Variants in RSU1 observed in about 807,000 individuals in gnomAD.
The protein encoded by RSU1 is Ras suppressor protein 1.
In RSU1, 26 loss-of-function variants were observed where a neutral mutation model predicts 31.1. The ratio of observed to expected loss-of-function variants is 0.84; its 90% CI spans 0.61 to 1.16. The LOEUF (loss-of-function observed/expected upper bound fraction) is 1.16, where lower values mean the gene tolerates loss of function less well. Among genes scored for constraint, RSU1 ranks in the 50% most tolerant of loss-of-function variants. The probability of loss-of-function intolerance (pLI) is 0.00; values close to 1 mark genes in which losing one functional copy is unlikely to be tolerated. For missense variants in RSU1, 320 were observed against 339.1 expected (o/e 0.94, Z 0.44); for synonymous variants, 164 against 136.3 (o/e 1.20, Z -1.41).
At chr10:16,730,488 T>C (rs1836486081) in intron 7 of RSU1, among the ~76,000 whole-genome samples, 1 of 151,972 alleles carries the variant, frequency 6.6e-6, no homozygotes, top group African/African-American at 2.4e-5. Flanking sequence ...CACAGATGAG[T>C]GAGACCATCC....
chr10:16,752,005 G>C (rs1161323195), intron 7 of RSU1, among the ~76,000 whole-genome samples: 1 of 152,156 alleles, frequency 6.6e-6, no homozygotes. Context: ...TTCCCAGCAA[G>C]AACATATTTA....
chr10:16,723,240 G>T (rs1313137306), intron 7 of RSU1: 3 of 152,002 alleles, frequency 2.0e-5, no homozygotes, highest in Admixed American at 6.6e-5. Flanking sequence ...AGACATAAAG[G>T]TTACATTTCT....
intron 4 of RSU1, among the ~76,000 whole-genome samples, chr10:16,758,703 G>C (rs536408585): frequency 6.6e-6 from 1 of 152,158 alleles, no homozygotes; most frequent in Non-Finnish European, 1.5e-5. Context: ...GCTTCTCAGG[G>C]AATGAGAGCT....
chr10:16,593,127 C>G lies in RSU1; in HGVS notation c.*267G>C, dbSNP rs1259568331. 1 of 389,296 alleles carries G rather than the reference C, an allele frequency of 2.6e-6. No individual in the cohort carries two copies. The highest frequency in any genetic ancestry group is 4.4e-6 in the Non-Finnish European group (1 of 229,000). 24.1% of individuals were successfully genotyped at this position (389,296 alleles called of 1,614,324 possible). Reference sequence around the variant, plus strand: ...TCTATTCAAGAAAAGCCAGAGCCCACTATGGAATTCGCAGTTGAATAAGAG... The same window carrying G: ...TCTATTCAAGAAAAGCCAGAGCCCAGTATGGAATTCGCAGTTGAATAAGAG... On this transcript the variant is annotated 3_prime_UTR_variant, in exon 9 of 9. Transcript: ENST00000345264.
chr10:16,629,203 G>A (rs557681624), intron 8 of RSU1, among the ~76,000 whole-genome samples: 1 of 152,140 alleles, frequency 6.6e-6, no homozygotes, highest in Non-Finnish European at 1.5e-5. Flanking sequence ...GTGGGTCTGG[G>A]GTGGGGCCTC....
chr10:16,715,857 T>C (rs1836128933), intron 7 of RSU1, among the ~76,000 whole-genome samples: 1 of 152,222 alleles, frequency 6.6e-6, no homozygotes, highest in African/African-American at 2.4e-5. Context: ...GAGATTTTCA[T>C]AGCGAGTGCA....
intron 2 of RSU1, among the ~76,000 whole-genome samples, chr10:16,797,856 C>CTTTT (rs766748303): frequency 1.5e-3 from 154 of 103,478 alleles, no homozygotes; most frequent in Non-Finnish European, 2.4e-3. Flanking sequence ...GGGATTTCTT[C>CTTTT]TTTTTTTTTT....
chr10:16,814,575 C>T (rs1275704442), intron 2 of RSU1, among the ~76,000 whole-genome samples: 1 of 151,996 alleles, frequency 6.6e-6, no homozygotes, highest in Non-Finnish European at 1.5e-5. Flanking sequence ...AGAAGTGAGC[C>T]CTGGTGGAGG....
chr10:16,676,217 G>A (rs1329138626), intron 8 of RSU1, among the ~76,000 whole-genome samples: 1 of 152,178 alleles, frequency 6.6e-6, no homozygotes, highest in Non-Finnish European at 1.5e-5. Context: ...ACCCACGACT[G>A]AGTAGTTTAT....
intron 8 of RSU1, among the ~76,000 whole-genome samples, chr10:16,665,299 C>A (rs77587602): frequency 0.025 from 3,810 of 152,168 alleles, 98 homozygotes; most frequent in East Asian, 0.074. Context: ...TAACAACCCT[C>A]CAAGAAGAAC....
intron 7 of RSU1, among the ~76,000 whole-genome samples, chr10:16,742,236 G>C (rs904402545): frequency 6.6e-6 from 1 of 152,170 alleles, no homozygotes; most frequent in Non-Finnish European, 1.5e-5. Context: ...TTTGTGTAAT[G>C]GGTAGTCAAC....
intron 4 of RSU1, among the ~76,000 whole-genome samples, chr10:16,756,543 T>C (rs1425380089): frequency 2.6e-5 from 4 of 152,204 alleles, no homozygotes; most frequent in African/African-American, 9.7e-5. Context: ...GCACAGTAAA[T>C]GCACTTTCTT....
At chr10:16,800,639 C>T (rs186427931) in intron 2 of RSU1, among the ~76,000 whole-genome samples, 11 of 152,238 alleles carry the variant, frequency 7.2e-5, no homozygotes, top group Non-Finnish European at 1.5e-4. Context: ...TTATAGTTTA[C>T]AGATAACTGA....
At chr10:16,742,637 C>T (rs978828533) in intron 7 of RSU1, among the ~76,000 whole-genome samples, 1 of 151,742 alleles carries the variant, frequency 6.6e-6, no homozygotes, top group Non-Finnish European at 1.5e-5. Flanking sequence ...AAATCCGGAA[C>T]GTTAGCACTG....
At chr10:16,691,173 C>T (rs1165161976) in intron 8 of RSU1, among the ~76,000 whole-genome samples, 5 of 152,122 alleles carry the variant, frequency 3.3e-5, no homozygotes, top group African/African-American at 9.7e-5. Flanking sequence ...AGCCAAATAC[C>T]TGCTAATTCG....
chr10:16,748,625 C>G (rs989178903), intron 7 of RSU1, among the ~76,000 whole-genome samples: 6 of 152,162 alleles, frequency 3.9e-5, no homozygotes, highest in African/African-American at 1.4e-4. Context: ...CCCATGTGAA[C>G]CAGACCCCAT....
intron 7 of RSU1, among the ~76,000 whole-genome samples, chr10:16,739,770 C>G (rs1836715644): frequency 6.6e-6 from 1 of 152,102 alleles, no homozygotes; most frequent in Admixed American, 6.5e-5. Context: ...CACCACCACA[C>G]TCGGCTAATT....
rs1365347165 is a variant in RSU1 at position 16,721,629 on chromosome 10, G to C, written c.599-26474C>G. On this transcript the variant is annotated intron_variant, in intron 7 of 8. Transcript: ENST00000345264. ...TCTTCACAAATTAGACTAGATCCAA[G>C]ATCAACCCTTTAATGGTATCACGCT... 3.3e-5 allele frequency: 5 copies of C among 152,338 alleles called. No individual in the cohort carries two copies. The East Asian group carries it at 7.7e-4, about 24-fold the overall frequency. 9.4% of individuals were successfully genotyped at this position (152,338 alleles called of 1,614,324 possible).
intron 8 of RSU1, among the ~76,000 whole-genome samples, chr10:16,691,770 T>A (rs1180801851): frequency 7.3e-6 from 1 of 136,962 alleles, no homozygotes; most frequent in Non-Finnish European, 1.5e-5. Context: ...AGTTTCACTA[T>A]GTCACCCAGG....
Sources: gnomAD v4.1 joint callset for allele counts (sites outside exome capture counted in the v4.1 genomes callset) on GRCh38, gnomAD v4.1.1 for gene constraint, MANE v1.5 for transcripts, NCBI Gene and HGNC (gene_info 2026-07-23, HGNC 2026-07-21) for gene names.